The following RBFOX1 variants were observed in gnomAD, a reference collection of about 807,000 sequenced individuals.
RBFOX1 encodes the protein RNA binding protein fox-1 homolog 1.
A neutral mutation model predicts 57.7 loss-of-function variants in RBFOX1; 8 were observed. The observed-to-expected ratio is 0.14, with a 90% CI of 0.08 to 0.25. The LOEUF (loss-of-function observed/expected upper bound fraction) is 0.25. Ranked by LOEUF, RBFOX1 falls within the 10% of genes least tolerant of loss-of-function variation. The probability of loss-of-function intolerance (pLI) is 1.00; values close to 1 mark genes in which losing one functional copy is unlikely to be tolerated. For missense variants in RBFOX1, 611 were observed against 548.5 expected (o/e 1.11, Z -1.14); for synonymous variants, 326 against 222.4 (o/e 1.47, Z -4.15).
chr16:7,174,856 C>T (rs897604882), intron 4 of RBFOX1, among the ~76,000 whole-genome samples: 18 of 152,256 alleles, frequency 1.2e-4, no homozygotes, highest in Admixed American at 1.0e-3. Flanking sequence ...ATATCCCCAC[C>T]AGCAACATAC....
chr16:7,558,977 G>A (rs1360537543), intron 5 of RBFOX1, among the ~76,000 whole-genome samples: 3 of 152,100 alleles, frequency 2.0e-5, no homozygotes, highest in Non-Finnish European at 2.9e-5. Context: ...TTTTAAAATG[G>A]CATAAAATTA....
intron 1 of RBFOX1, among the ~76,000 whole-genome samples, chr16:5,294,339 C>A (rs370696971): frequency 2.6e-5 from 4 of 152,290 alleles, no homozygotes; most frequent in South Asian, 4.1e-4. Context: ...CTGGGCACTG[C>A]GGTTTTAAAA....
At chr16:6,319,752 A>G (rs2081541156) in intron 2 of RBFOX1, among the ~76,000 whole-genome samples, 2 of 152,218 alleles carry the variant, frequency 1.3e-5, no homozygotes, top group East Asian at 3.9e-4. Context: ...GGAAAGCCAC[A>G]GAAAGCTCAC....
At chr16:7,592,627 T>C (rs1602727875) in intron 7 of RBFOX1, among the ~76,000 whole-genome samples, 1 of 152,150 alleles carries the variant, frequency 6.6e-6, no homozygotes, top group Admixed American at 6.5e-5. Flanking sequence ...GTTTCTCTGA[T>C]TCTTTTTGGA....
intron 4 of RBFOX1, among the ~76,000 whole-genome samples, chr16:5,937,931 A>G (rs1387790554): frequency 6.6e-6 from 1 of 152,198 alleles, no homozygotes; most frequent in Middle Eastern, 3.4e-3. Flanking sequence ...GATGTCAAAT[A>G]TATGTTACAA....
chr16:6,748,734 T>C (rs187511688), intron 3 of RBFOX1, among the ~76,000 whole-genome samples: 1 of 152,240 alleles, frequency 6.6e-6, no homozygotes, highest in East Asian at 1.9e-4. Flanking sequence ...TTATTTGGAG[T>C]ATATAGATTT....
At chr16:5,285,927 A>C (rs1390527196) in intron 1 of RBFOX1, among the ~76,000 whole-genome samples, 1 of 152,050 alleles carries the variant, frequency 6.6e-6, no homozygotes, top group Non-Finnish European at 1.5e-5. Flanking sequence ...GCCTGCCACC[A>C]CACCTGGCTA....
intron 3 of RBFOX1, among the ~76,000 whole-genome samples, chr16:6,898,245 C>T (rs1266817574): frequency 6.6e-6 from 1 of 152,098 alleles, no homozygotes; most frequent in Non-Finnish European, 1.5e-5. Context: ...CAAGCTCTGA[C>T]TCCAGCTGTG....
chr16:5,432,559 G>GTTTTTTTTTTTTTTTTTGTTT, intron 1 of RBFOX1, among the ~76,000 whole-genome samples: 1 of 94,222 alleles, frequency 1.1e-5, no homozygotes, highest in Non-Finnish European at 2.0e-5. Context: ...TTGTTTGTTT[G>GTTTTTTTTTTTTTTTTTGTTT]TTTTTTTTTT....
intron 3 of RBFOX1, among the ~76,000 whole-genome samples, chr16:6,717,430 G>C (rs756673225): frequency 1.3e-5 from 2 of 152,150 alleles, no homozygotes; most frequent in Admixed American, 1.3e-4. Flanking sequence ...CTTGAGAGCA[G>C]AATGGTGGAT....
At chr16:6,851,856 C>G (rs1428261460) in intron 3 of RBFOX1, among the ~76,000 whole-genome samples, 1 of 151,986 alleles carries the variant, frequency 6.6e-6, no homozygotes, top group Non-Finnish European at 1.5e-5. Flanking sequence ...CATTCTAGAA[C>G]AGGGACACCA....
At chr16:6,965,421 CA>C (rs2083918279) in intron 3 of RBFOX1, among the ~76,000 whole-genome samples, 1 of 151,910 alleles carries the variant, frequency 6.6e-6, no homozygotes, top group Non-Finnish European at 1.5e-5. Context: ...CAGCTTACTG[CA>C]GCCTCCCGGG....
intron 15 of RBFOX1, 167 bp from the exon 16 acceptor site, chr16:7,710,456 C>G (rs1157564470): frequency 1.4e-6 from 2 of 1,459,110 alleles, no homozygotes; most frequent in Non-Finnish European, 1.8e-6. Flanking sequence ...TGGGGAAGGT[C>G]AGGAATGGCC....
chr16:5,743,258 T>A (rs182507741), intron 3 of RBFOX1, among the ~76,000 whole-genome samples: 17 of 152,144 alleles, frequency 1.1e-4, no homozygotes, highest in Non-Finnish European at 2.4e-4. Flanking sequence ...GTAAATTTAA[T>A]TGGGGGACTG....
chr16:5,867,053 A>C (rs1409642148), intron 3 of RBFOX1, among the ~76,000 whole-genome samples: 1 of 152,116 alleles, frequency 6.6e-6, no homozygotes, highest in East Asian at 1.9e-4. Flanking sequence ...TCTTGACAAG[A>C]TTGTTATAAT....
At chr16:5,630,603 T>C (rs190141269) in intron 3 of RBFOX1, among the ~76,000 whole-genome samples, 136 of 152,258 alleles carry the variant, frequency 8.9e-4, no homozygotes, top group African/African-American at 2.9e-3. Flanking sequence ...CATGATACTC[T>C]TGATGGAAAG....
chr16:7,202,560 A>G (rs13338747), intron 4 of RBFOX1, among the ~76,000 whole-genome samples: 6,824 of 152,216 alleles, frequency 0.045, 491 homozygotes, highest in African/African-American at 0.16. Flanking sequence ...CCTGTTAGGA[A>G]TTGGGCTGCA....
intron 1 of RBFOX1, among the ~76,000 whole-genome samples, chr16:6,151,349 G>A (rs1042954662): frequency 2.0e-5 from 3 of 152,024 alleles, no homozygotes; most frequent in Non-Finnish European, 4.4e-5. Flanking sequence ...GCAGTGGCAC[G>A]ATCTCGGCTC....
intron 2 of RBFOX1, among the ~76,000 whole-genome samples, chr16:6,474,332 C>T (rs2095239540): frequency 6.6e-6 from 1 of 152,138 alleles, no homozygotes; most frequent in South Asian, 2.1e-4. Context: ...ATCCCGTGGT[C>T]CAAAGCTATA....
Sources: gnomAD v4.1 joint callset for allele counts (sites outside exome capture counted in the v4.1 genomes callset) on GRCh38, gnomAD v4.1.1 for gene constraint, MANE v1.5 for transcripts, NCBI Gene and HGNC (gene_info 2026-07-23, HGNC 2026-07-21) for gene names.